The following RNF220 variants were observed in gnomAD, a reference collection of about 807,000 sequenced individuals.
RNF220 encodes E3 ubiquitin-protein ligase RNF220.
Under a neutral mutation model 67.1 loss-of-function variants are expected in RNF220, and 7 were observed. That is an observed-to-expected ratio of 0.10 (90% CI 0.06 to 0.20). The LOEUF (loss-of-function observed/expected upper bound fraction) is 0.20, where lower values mean the gene tolerates loss of function less well. RNF220 is among the 10% of genes least tolerant of loss of function. The pLI, the probability that RNF220 is intolerant of heterozygous loss-of-function variation, is 1.00. For missense variants in RNF220, 565 were observed against 740.3 expected (o/e 0.76, Z 2.75); for synonymous variants, 270 against 283.2 (o/e 0.95, Z 0.47).
chr1:44,510,971 G>T (rs1034051917), intron 2 of RNF220, among the ~76,000 whole-genome samples: 12 of 152,232 alleles, frequency 7.9e-5, no homozygotes, highest in African/African-American at 2.9e-4. Flanking sequence ...CCCCCAAAAT[G>T]GAGGCCAGTT....
chr1:44,555,520 G>A (rs1309032861), intron 2 of RNF220, among the ~76,000 whole-genome samples: 1 of 152,034 alleles, frequency 6.6e-6, no homozygotes, highest in Non-Finnish European at 1.5e-5. Flanking sequence ...TGTCACCCAG[G>A]CTGGAGTGCA....
At chr1:44,612,738 T>G (rs181019461) in intron 2 of RNF220, among the ~76,000 whole-genome samples, 1 of 149,816 alleles carries the variant, frequency 6.7e-6, no homozygotes, top group Non-Finnish European at 1.5e-5. Flanking sequence ...GTATGTCCCG[T>G]GTAGTACTTG....
At position 44,645,142 on chromosome 1, in the gene RNF220, G is replaced by A; in HGVS notation, c.1310+61G>A. The A allele has an allele frequency of 1.2e-6, 2 of 1,611,476 alleles. No individual in the cohort carries two copies. The highest frequency in any genetic ancestry group is 2.2e-5 in the East Asian group (1 of 44,846). On this transcript the variant is annotated intron_variant, in intron 10 of 14. Transcript: ENST00000361799. The surrounding 1 kb of genome is among the most constrained non-coding windows in gnomAD (Gnocchi z 5.0). ...AGAAACAGGAAGCCCTGAGGCAGGGGTTAACGCAGTACTGACCCTCAGGGC... is the reference window on the plus strand; with the variant it reads ...AGAAACAGGAAGCCCTGAGGCAGGGATTAACGCAGTACTGACCCTCAGGGC...
intron 2 of RNF220, among the ~76,000 whole-genome samples, chr1:44,537,981 G>A (rs1278505766): frequency 6.6e-6 from 1 of 152,162 alleles, no homozygotes; most frequent in African/African-American, 2.4e-5. Context: ...TCTATTTTTA[G>A]CCTACATGCA....
At chr1:44,579,330 G>A (rs910617622) in intron 2 of RNF220, among the ~76,000 whole-genome samples, 5 of 152,130 alleles carry the variant, frequency 3.3e-5, no homozygotes, top group South Asian at 4.1e-4. Flanking sequence ...CCAGACTACC[G>A]AGGAGTCTGA....
intron 2 of RNF220, among the ~76,000 whole-genome samples, chr1:44,485,489 C>T (rs561307814): frequency 6.6e-6 from 1 of 152,058 alleles, no homozygotes. Context: ...AGAGAGGCAC[C>T]GAAATCACTG....
chr1:44,490,334 G>T (rs1489540640), intron 2 of RNF220, among the ~76,000 whole-genome samples: 1 of 152,048 alleles, frequency 6.6e-6, no homozygotes, highest in Admixed American at 6.6e-5. Context: ...GCCAGGCGTG[G>T]TGGCGAGCGC....
Position 44,514,070 on chromosome 1 carries a change from C to T in RNF220, c.626-100095C>T, listed in dbSNP as rs571567128. On this transcript the variant is annotated intron_variant, in intron 2 of 14. Transcript: ENST00000361799. ...AGTCGTGTAGCATCTTGTATTTATC[C>T]TTGTATCGCTTAGTCCTAAATATAA... Among the ~76,000 whole-genome samples, 6 of 152,250 alleles carry T rather than the reference C, an allele frequency of 3.9e-5. No homozygotes were observed. In the South Asian group the frequency reaches 1.2e-3, roughly 32 times the overall value.
In RNF220 at chr1:44,645,006, C is replaced by T; in HGVS notation, c.1235C>T (p.Ala412Val). 2 of 1,614,072 alleles carry T rather than the reference C, an allele frequency of 1.2e-6. No individual in the cohort carries two copies. Among genetic ancestry groups the T allele is most frequent in the Non-Finnish European group, 1.7e-6 (2 of 1,179,992 alleles). Residue 412 changes from alanine to valine, a missense_variant, in exon 10 of 15, where the codon GCT becomes GTT. By Grantham distance (64) the Ala-to-Val change is moderately conservative. Coordinates refer to ENST00000361799, the MANE Select transcript of RNF220 (RefSeq NM_018150.4). This position sits in a 1 kb window ranked among gnomAD's most constrained non-coding sequence, Gnocchi z 5.0. ...GACCACCATGCCAGATACACAGAGG[C>T]TGATGTCATCCCCTGCACAGGCGAG... ...LEYGKPQYTE[A>V]DVIPCTGEEP...
In RNF220 at chr1:44,550,743, G is replaced by A. The variant is rs1310202390; in HGVS notation, c.626-63422G>A. ...TAACATAGCTAGGCTTTGAATGAAGGTTTCCAGCCCGTTTAGTTCTGAGTG... is the reference window on the plus strand; with the variant it reads ...TAACATAGCTAGGCTTTGAATGAAGATTTCCAGCCCGTTTAGTTCTGAGTG... On this transcript the variant is annotated intron_variant, in intron 2 of 14. Transcript: ENST00000361799. 2.0e-5 allele frequency among the ~76,000 whole-genome samples: 3 copies of A among 152,128 alleles called. No individual in the cohort carries two copies. The East Asian group carries it at 5.8e-4, about 29-fold the overall frequency.
chr1:44,525,414 G>T (rs1409958792), intron 2 of RNF220, among the ~76,000 whole-genome samples: 4 of 152,204 alleles, frequency 2.6e-5, no homozygotes, highest in Admixed American at 6.5e-5. Context: ...CTTTTTGAAT[G>T]AATGGTTGAA....
intron 2 of RNF220, among the ~76,000 whole-genome samples, chr1:44,446,544 C>T (rs1007938502): frequency 1.6e-4 from 24 of 150,770 alleles, no homozygotes; most frequent in African/African-American, 5.6e-4. Context: ...GGGACCGGGC[C>T]GTTCCTTGGA....
chr1:44,464,034 G>A (rs1015077036), intron 2 of RNF220, among the ~76,000 whole-genome samples: 3 of 152,206 alleles, frequency 2.0e-5, no homozygotes, highest in African/African-American at 7.2e-5. Context: ...AAATCTGACA[G>A]AAATAAGAAA....
intron 2 of RNF220, among the ~76,000 whole-genome samples, chr1:44,566,293 C>T (rs896326989): frequency 6.6e-6 from 1 of 152,150 alleles, no homozygotes; most frequent in Admixed American, 6.5e-5. Flanking sequence ...AGATCAAGAT[C>T]GAGCTGTTGG....
intron 2 of RNF220, among the ~76,000 whole-genome samples, chr1:44,484,972 T>C (rs1656154920): frequency 6.6e-6 from 1 of 152,122 alleles, no homozygotes; most frequent in Non-Finnish European, 1.5e-5. Flanking sequence ...TGAAACCCCA[T>C]TTCTAGTAAA....
intron 2 of RNF220, among the ~76,000 whole-genome samples, chr1:44,418,951 C>A (rs963685145): frequency 6.6e-6 from 1 of 152,102 alleles, no homozygotes; most frequent in Non-Finnish European, 1.5e-5. Context: ...AATATCGAAG[C>A]ACACCTTGGG....
At chr1:44,632,222 C>T (rs1415891928) in intron 5 of RNF220, 121 bp from the exon 6 acceptor site, 2 of 1,611,730 alleles carry the variant, frequency 1.2e-6, no homozygotes, top group East Asian at 2.2e-5. Context: ...GGTTTGTTTA[C>T]GGGCTGTTTG....
chr1:44,556,251 C>G (rs1332117857), intron 2 of RNF220, among the ~76,000 whole-genome samples: 3 of 150,408 alleles, frequency 2.0e-5, no homozygotes, highest in Non-Finnish European at 1.5e-5. Context: ...CCAGGCTGGT[C>G]TCGAACTCCT....
At chr1:44,442,890 C>G (rs1384972409) in intron 2 of RNF220, among the ~76,000 whole-genome samples, 1 of 152,162 alleles carries the variant, frequency 6.6e-6, no homozygotes, top group Admixed American at 6.5e-5. Flanking sequence ...GATGATAGCA[C>G]TGTTGTTCAC....
Sources: gnomAD v4.1 joint callset for allele counts (sites outside exome capture counted in the v4.1 genomes callset) on GRCh38, gnomAD v4.1.1 for gene constraint, Gnocchi (gnomAD v3.1) non-coding constraint, MANE v1.5 for transcripts, NCBI Gene and HGNC (gene_info 2026-07-23, HGNC 2026-07-21) for gene names.